The following ZNF736 variants were observed in gnomAD, a reference collection of about 807,000 sequenced individuals.
The protein encoded by ZNF736 is KRAB-containing zinc-finger repressor protein.
In ZNF736, 6 loss-of-function variants were observed where a neutral mutation model predicts 11.7. The ratio of observed to expected loss-of-function variants is 0.51; its 90% confidence interval spans 0.28 to 1.01. The LOEUF is 1.01. ZNF736 is among the 50% of genes least tolerant of loss of function. ZNF736 has a pLI of 0.09. For synonymous variants in ZNF736, 139 were observed against 164.7 expected (o/e 0.84, Z 1.19); for missense variants, 444 against 496.0 (o/e 0.90, Z 1.00).
In ZNF736 at chr7:64,336,942, T is replaced by C; in HGVS notation, c.186T>C (p.Pro62=). 1.2e-6 allele frequency: 2 copies of C among 1,605,402 alleles called. No homozygotes were observed. The highest frequency in any genetic ancestry group is 1.7e-4 in the Middle Eastern group (1 of 6,058). The part of the protein sequence containing the change: ...LMTCLEQRKE[P]WKVKRQEAVA... ...CCTGTCTGGAGCAAAGAAAAGAGCC[T>C]TGGAAAGTGAAGAGACAGGAGGCAG... The change falls in exon 3 of 4, where the codon CCT becomes CCC. Residue 62 remains proline (P), a synonymous_variant. Transcript: ENST00000423484.
chr7:64,338,192 GAC>G (rs1431972561), intron 3 of ZNF736, among the ~76,000 whole-genome samples: 2 of 152,082 alleles, frequency 1.3e-5, no homozygotes, highest in African/African-American at 2.4e-5. Context: ...GCATGTGTAT[GAC>G]ACACATATAA....
Position 64,344,068 on chromosome 7 carries a change from G to A in ZNF736, c.227-4022G>A, listed in dbSNP as rs371740860. ...CTGTAATCCCTGCACTTTGGGAGGC[G>A]AAGGTGGGCAGGTCACCTGAGGTCA... is the stretch of plus-strand genomic sequence containing the variant. On this transcript the variant is annotated intron_variant, in intron 3 of 3. Transcript: ENST00000423484. 3.2e-4 allele frequency among the ~76,000 whole-genome samples: 49 copies of A among 152,116 alleles called. No individual in the cohort carries two copies. In the South Asian group the frequency reaches 7.0e-3, roughly 22 times the overall value.
At chr7:64,337,746 G>GGTTTTTTTTTTTTTTTTTT (rs1789275273) in intron 3 of ZNF736, among the ~76,000 whole-genome samples, 1 of 79,362 alleles carries the variant, frequency 1.3e-5, no homozygotes, top group African/African-American at 4.0e-5. Context: ...GTTTTGTTTT[G>GGTTTTTTTTTTTTTTTTTT]TTTTTTTTGG....
intron 1 of ZNF736, among the ~76,000 whole-genome samples, chr7:64,322,216 G>A (rs13231828): frequency 0.34 from 51,556 of 151,664 alleles, 9,424 homozygotes; most frequent in African/African-American, 0.49. Flanking sequence ...TCTTTTTACC[G>A]CTTGTTCTTT....
At chr7:64,328,840 CT>C (rs1199973347) in intron 1 of ZNF736, among the ~76,000 whole-genome samples, 1 of 151,142 alleles carries the variant, frequency 6.6e-6, no homozygotes, top group South Asian at 2.1e-4. Flanking sequence ...AATATTAATA[CT>C]TTTTTTTTAG....
rs796550712 is a variant in ZNF736 at position 64,349,340 on chromosome 7, C to CT, written c.*202dup. 260 of 414,288 alleles carry CT rather than the reference C, an allele frequency of 6.3e-4. No individual in the cohort carries two copies. Among genetic ancestry groups the CT allele is most frequent in the African/African-American group, 1.9e-3 (94 of 48,420 alleles). The allele number at this position is 414,288 out of a possible 1,614,324, so 25.7% of individuals were successfully genotyped here. A position where few individuals can be genotyped will look rare whatever the true frequency, so the allele number is the denominator to read the frequency against. ...TAGCCCTTTGCTATTATGTAATGCC[C>CT]TTTTTTTTTAAATCTATGTTAATTT... On this transcript the variant is annotated 3_prime_UTR_variant, in exon 4 of 4. Coordinates refer to ENST00000423484, the MANE Select transcript of ZNF736 (RefSeq NM_001170905.3).
At position 64,349,246 on chromosome 7, in the gene ZNF736, A is replaced by G. The variant is rs1392769146; in HGVS notation, c.*99A>G. On this transcript the variant is annotated 3_prime_UTR_variant, in exon 4 of 4. Transcript: ENST00000423484. ...ATAAATGTAATGACAGTGGAAGAAC[A>G]TTTATCATCTTAGAGGGTCTCTAAG... 9.0e-7 allele frequency: 1 copy of G among 1,107,266 alleles called. No individual in the cohort carries two copies. The highest frequency in any genetic ancestry group is 1.6e-5 in the African/African-American group (1 of 63,318). 68.6% of individuals were successfully genotyped at this position (1,107,266 alleles called of 1,614,324 possible).
chr7:64,343,308 A>C (rs1789364243), intron 3 of ZNF736, among the ~76,000 whole-genome samples: 1 of 152,250 alleles, frequency 6.6e-6, no homozygotes, highest in South Asian at 2.1e-4. Flanking sequence ...ATGGAAAAAA[A>C]CCAGAAAGGC....
chr7:64,345,465 T>A (rs1015883743), intron 3 of ZNF736, among the ~76,000 whole-genome samples: 2 of 151,660 alleles, frequency 1.3e-5, no homozygotes, highest in East Asian at 2.0e-4. Flanking sequence ...GTGCGGTGGC[T>A]CATGCCTGTC....
At chr7:64,336,444 AT>A (rs60337982) in intron 2 of ZNF736, 59 bp downstream of exon 2, 291,464 of 1,468,430 alleles carry the variant, frequency 0.2, 30,214 homozygotes, top group Non-Finnish European at 0.21. Flanking sequence ...TTTTCTTCTG[AT>A]TTTTTTGGAG....
In ZNF736 at chr7:64,336,255, C is replaced by G. The variant is rs1399408265; in HGVS notation, c.4-4C>G. ...TCACTTGGTAAATATGTTTTGTTTTCCAGGGAGTGTTGACATTCAGGGATG... is the reference window on the plus strand; with the variant it reads ...TCACTTGGTAAATATGTTTTGTTTTGCAGGGAGTGTTGACATTCAGGGATG... On this transcript the variant is annotated splice_polypyrimidine_tract_variant and splice_region_variant and intron_variant, in intron 1 of 3. Coordinates refer to ENST00000423484, the MANE Select transcript of ZNF736 (RefSeq NM_001170905.3). The G allele has an allele frequency of 6.2e-7, 1 of 1,607,218 alleles. No individual in the cohort carries two copies. Among genetic ancestry groups the G allele is most frequent in the Non-Finnish European group, 8.5e-7 (1 of 1,176,510 alleles).
intron 3 of ZNF736, among the ~76,000 whole-genome samples, chr7:64,338,791 T>C: frequency 6.6e-6 from 1 of 152,086 alleles, no homozygotes; most frequent in Non-Finnish European, 1.5e-5. Flanking sequence ...TGAAAAATGT[T>C]TCAATGAACA....
Position 64,354,860 on chromosome 7 carries a change from A to C in ZNF736, c.*5713A>C, listed in dbSNP as rs1789534364. 6.6e-6 allele frequency: 1 copy of C among 152,206 alleles called. No individual in the cohort carries two copies. The highest frequency in any genetic ancestry group is 2.4e-5 in the African/African-American group (1 of 41,460). The allele number at this position is 152,206 out of a possible 1,614,324, so 9.4% of individuals were successfully genotyped here. On this transcript the variant is annotated 3_prime_UTR_variant, in exon 4 of 4. Transcript: ENST00000423484. ...AAATTTATTGGGCCAATTTAAGTAAACAGTTGAACGTTTCATAAGTCATGA... is the reference window on the plus strand; with the variant it reads ...AAATTTATTGGGCCAATTTAAGTAACCAGTTGAACGTTTCATAAGTCATGA...
chr7:64,339,388 GTTTTC>G (rs1330329529), intron 3 of ZNF736, among the ~76,000 whole-genome samples: 2 of 152,032 alleles, frequency 1.3e-5, no homozygotes, highest in Non-Finnish European at 2.9e-5. Context: ...TTCTTCATAT[GTTTTC>G]TTTTAAGATT....
At chr7:64,341,929 A>G (rs1789343883) in intron 3 of ZNF736, among the ~76,000 whole-genome samples, 1 of 152,192 alleles carries the variant, frequency 6.6e-6, no homozygotes, top group Non-Finnish European at 1.5e-5. Context: ...GGAGAAAACA[A>G]GAGTTTAAAA....
intron 1 of ZNF736, among the ~76,000 whole-genome samples, chr7:64,315,116 C>T (rs1163607262): frequency 6.6e-6 from 1 of 152,132 alleles, no homozygotes; most frequent in African/African-American, 2.4e-5. Context: ...CTTGCTTCAC[C>T]TTCATCCATG....
In ZNF736 at chr7:64,348,604, CAA is replaced by C. The variant is rs763714335; in HGVS notation, c.742_743del (p.Lys248GlufsTer12). 2.5e-5 allele frequency: 40 copies of C among 1,599,150 alleles called. No homozygotes were observed. Among genetic ancestry groups the C allele is most frequent in the Non-Finnish European group, 2.9e-5 (34 of 1,172,976 alleles). On this transcript the variant is annotated frameshift_variant, in exon 4 of 4. Coordinates refer to ENST00000423484, the MANE Select transcript of ZNF736 (RefSeq NM_001170905.3). LOFTEE classifies it low-confidence loss of function (END_TRUNC). Reference sequence around the variant, plus strand: ...CCTGCTCCTCAACCCTTGTTAAACACAAGAGAAATCATACTGGAGACAGACCC... The same window carrying C: ...CCTGCTCCTCAACCCTTGTTAAACACGAGAAATCATACTGGAGACAGACCC... ...FTCSSTLVKH[K>X]RNHTGDRPYK...
intron 3 of ZNF736, among the ~76,000 whole-genome samples, chr7:64,345,633 C>T (rs1179850049): frequency 6.9e-6 from 1 of 145,490 alleles, no homozygotes; most frequent in African/African-American, 2.6e-5. Context: ...GGAGAGGAGG[C>T]TGAGGCAGGG....
rs191744354 is a variant in ZNF736 at position 64,339,330 on chromosome 7, A to G, written c.226+2348A>G. Among the ~76,000 whole-genome samples, 67 of 152,168 alleles carry G rather than the reference A, an allele frequency of 4.4e-4. No individual in the cohort carries two copies. The East Asian group carries it at 0.011, about 26-fold the overall frequency. Reference sequence around the variant, plus strand: ...TGTTTATATTTGCTTTTATTGCTGTACTTTTGCTGTCGTATCCAAAAATTC... The same window carrying G: ...TGTTTATATTTGCTTTTATTGCTGTGCTTTTGCTGTCGTATCCAAAAATTC... On this transcript the variant is annotated intron_variant, in intron 3 of 3. Transcript: ENST00000423484.
Sources: gnomAD v4.1 joint callset for allele counts (sites outside exome capture counted in the v4.1 genomes callset) on GRCh38, gnomAD v4.1.1 for gene constraint, MANE v1.5 for transcripts, NCBI Gene and HGNC (gene_info 2026-07-23, HGNC 2026-07-21) for gene names.